The following MCTP1 variants were observed in gnomAD, a reference collection of about 807,000 sequenced individuals.
The protein encoded by MCTP1 is multiple C2 and transmembrane domain containing 1, also known as multiple C2 and transmembrane domain-containing protein 1.
In MCTP1, 69 loss-of-function variants were observed where a neutral mutation model predicts 120.6. The observed-to-expected ratio is 0.57, with a 90% CI of 0.47 to 0.70. The LOEUF is 0.70. Ranked by LOEUF, MCTP1 falls within the 30% of genes least tolerant of loss-of-function variation. The pLI is 0.00. For missense variants in MCTP1, 1,203 were observed against 1,248.8 expected (o/e 0.96, Z 0.55); for synonymous variants, 529 against 493.1 (o/e 1.07, Z -0.96).
intron 1 of MCTP1, among the ~76,000 whole-genome samples, chr5:95,086,194 GA>G (rs1206113618): frequency 8.5e-5 from 13 of 152,116 alleles, no homozygotes; most frequent in Admixed American, 2.0e-4. Context: ...GGGGAACTGA[GA>G]AAAATTTCTA....
At chr5:95,136,616 G>A (rs973955619) in intron 1 of MCTP1, among the ~76,000 whole-genome samples, 8 of 152,222 alleles carry the variant, frequency 5.3e-5, no homozygotes, top group African/African-American at 1.9e-4. Context: ...GAGAGAAGAC[G>A]CTCTAGCTCA....
chr5:94,757,469 A>G (rs189418610), intron 19 of MCTP1, among the ~76,000 whole-genome samples: 45 of 152,354 alleles, frequency 3.0e-4, no homozygotes, highest in African/African-American at 8.4e-4. Context: ...CATGATTAAA[A>G]TAATTGTGCT....
At chr5:94,936,211 A>C (rs1045225206) in intron 5 of MCTP1, among the ~76,000 whole-genome samples, 3 of 150,242 alleles carry the variant, frequency 2.0e-5, no homozygotes, top group African/African-American at 7.3e-5. Flanking sequence ...GTTTGTGACA[A>C]CCTCAGGGAT....
At chr5:95,169,083 A>C (rs1746850902) in intron 1 of MCTP1, among the ~76,000 whole-genome samples, 1 of 152,108 alleles carries the variant, frequency 6.6e-6, no homozygotes, top group South Asian at 2.1e-4. Context: ...TCAATACCTA[A>C]TTTATTGAGT....
At chr5:94,952,934 A>T (rs1820994389) in intron 3 of MCTP1, among the ~76,000 whole-genome samples, 1 of 152,210 alleles carries the variant, frequency 6.6e-6, no homozygotes, top group Non-Finnish European at 1.5e-5. Context: ...ACTTGTTTTC[A>T]TATGCTCCCA....
At chr5:95,207,998 G>T (rs1006207673) in intron 1 of MCTP1, among the ~76,000 whole-genome samples, 1 of 90,620 alleles carries the variant, frequency 1.1e-5, no homozygotes. Context: ...AGAAAGAGAG[G>T]GAGAGAGAGG....
chr5:95,255,115 A>C (rs939498298), intron 1 of MCTP1, among the ~76,000 whole-genome samples: 5 of 152,186 alleles, frequency 3.3e-5, no homozygotes, highest in African/African-American at 1.2e-4. Flanking sequence ...TCTGAAAGCC[A>C]CTGTTCTATT....
At chr5:94,780,818 G>C (rs569803938) in intron 18 of MCTP1, among the ~76,000 whole-genome samples, 1 of 152,206 alleles carries the variant, frequency 6.6e-6, no homozygotes, top group Admixed American at 6.6e-5. Context: ...ACTCCTATCA[G>C]CCCTCAAATG....
At chr5:95,213,743 G>T (rs550789888) in intron 1 of MCTP1, among the ~76,000 whole-genome samples, 2,539 of 151,962 alleles carry the variant, frequency 0.017, no homozygotes, top group Non-Finnish European at 0.025. Context: ...TGACAAACCT[G>T]AGAAAAACAA....
chr5:94,835,777 T>C (rs932176963), intron 17 of MCTP1, among the ~76,000 whole-genome samples: 3 of 152,094 alleles, frequency 2.0e-5, no homozygotes, highest in Admixed American at 6.6e-5. Flanking sequence ...GACCAAGGCA[T>C]GCAGATCACG....
intron 1 of MCTP1, among the ~76,000 whole-genome samples, chr5:95,177,905 A>G (rs978697387): frequency 6.6e-6 from 1 of 152,190 alleles, no homozygotes; most frequent in Non-Finnish European, 1.5e-5. Context: ...AATTTAGTAA[A>G]AGAGATTACG....
At chr5:95,195,246 G>GT (rs894395846) in intron 1 of MCTP1, among the ~76,000 whole-genome samples, 1 of 152,140 alleles carries the variant, frequency 6.6e-6, no homozygotes, top group Non-Finnish European at 1.5e-5. Context: ...AGAATCTTGG[G>GT]TTTTTCCCCC....
intron 2 of MCTP1, among the ~76,000 whole-genome samples, chr5:94,992,581 A>C (rs1831799851): frequency 1.3e-5 from 2 of 152,192 alleles, no homozygotes; most frequent in Non-Finnish European, 2.9e-5. Flanking sequence ...GACTTTATGC[A>C]GCCACAGGAG....
intron 2 of MCTP1, among the ~76,000 whole-genome samples, chr5:94,956,568 C>T (rs1024617748): frequency 2.6e-5 from 4 of 152,222 alleles, no homozygotes; most frequent in Admixed American, 1.3e-4. Flanking sequence ...CAGAGAAGAA[C>T]ATAAATGACC....
At chr5:94,953,684 A>T (rs188889379) in intron 2 of MCTP1, among the ~76,000 whole-genome samples, 1 of 150,050 alleles carries the variant, frequency 6.7e-6, no homozygotes, top group East Asian at 1.9e-4. Context: ...ACCTGACTCA[A>T]ATGTTTATCA....
chr5:94,871,087 G>T, intron 14 of MCTP1, 114 bp from the exon 15 acceptor site: 1 of 858,580 alleles, frequency 1.2e-6, no homozygotes, highest in Non-Finnish European at 1.9e-6. Context: ...AACAACTGTG[G>T]CAATTCTGAC....
At chr5:94,837,372 C>A (rs114394814) in intron 17 of MCTP1, among the ~76,000 whole-genome samples, 2 of 152,068 alleles carry the variant, frequency 1.3e-5, no homozygotes, top group East Asian at 3.8e-4. Flanking sequence ...TAGTGTGACA[C>A]CCTGTCTCAA....
intron 1 of MCTP1, among the ~76,000 whole-genome samples, chr5:95,082,494 G>C (rs775984678): frequency 6.6e-6 from 1 of 152,046 alleles, no homozygotes; most frequent in Non-Finnish European, 1.5e-5. Context: ...AGCTGAAAAA[G>C]CCCATGTTAA....
At position 94,707,485 on chromosome 5, in the gene MCTP1, C is replaced by T. The variant is rs780685192; in HGVS notation, c.*11G>A. On this transcript the variant is annotated 3_prime_UTR_variant, in exon 23 of 23. Transcript: ENST00000515393. Reference sequence around the variant, plus strand: ...CAAACAGATGCTGGTCTCCTCAGTGCTGGGAGCTGGCTAGCCAAGATTGTT... The same window carrying T: ...CAAACAGATGCTGGTCTCCTCAGTGTTGGGAGCTGGCTAGCCAAGATTGTT... 10 of 1,606,306 alleles carry T rather than the reference C, an allele frequency of 6.2e-6. No individual in the cohort carries two copies. The highest frequency in any genetic ancestry group is 1.3e-5 in the African/African-American group (1 of 74,586).
Sources: gnomAD v4.1 joint callset for allele counts (sites outside exome capture counted in the v4.1 genomes callset) on GRCh38, gnomAD v4.1.1 for gene constraint, MANE v1.5 for transcripts, NCBI Gene and HGNC (gene_info 2026-07-23, HGNC 2026-07-21) for gene names.